ASCC2: variants seen among roughly 807,000 people sequenced by gnomAD.
The protein encoded by ASCC2 is activating signal cointegrator 1 complex subunit 2, also known as ASC-1 complex subunit P100.
Under a neutral mutation model 93.5 loss-of-function variants are expected in ASCC2, and 42 were observed. The observed-to-expected ratio is 0.45, with a 90% CI of 0.35 to 0.58. The LOEUF (loss-of-function observed/expected upper bound fraction) is 0.58, where lower values mean the gene tolerates loss of function less well. Ranked by LOEUF, ASCC2 falls within the 20% of genes least tolerant of loss-of-function variation. ASCC2 has a pLI of 0.00. For synonymous variants in ASCC2, 364 were observed against 384.2 expected (o/e 0.95, Z 0.62); for missense variants, 859 against 977.6 (o/e 0.88, Z 1.62).
intron 9 of ASCC2, among the ~76,000 whole-genome samples, chr22:29,807,347 C>T (rs2059800116): frequency 6.6e-6 from 1 of 151,768 alleles, no homozygotes. Flanking sequence ...GAGAAGGCCT[C>T]ACAATTCACT....
intron 4 of ASCC2, 24 bp from the exon 5 acceptor site, chr22:29,822,488 G>C: frequency 6.2e-7 from 1 of 1,611,880 alleles, no homozygotes; most frequent in Non-Finnish European, 8.5e-7. Flanking sequence ...CAGAGAGAAA[G>C]GATAGAGATT....
At position 29,804,644 on chromosome 22, in the gene ASCC2, T is replaced by A. The variant is rs1357121003; in HGVS notation, c.1347A>T (p.Glu449Asp). Residue 449 changes from glutamate to aspartate, a missense_variant, in exon 13 of 20, where the codon GAA becomes GAT. Physicochemically the swap from Glu to Asp is conservative, Grantham distance 45. Coordinates refer to ENST00000307790, the MANE Select transcript of ASCC2 (RefSeq NM_032204.5). The part of the protein sequence containing the change: ...QASSHPENSE[E>D]EECMGAAAAV... ...GCGCCACTCAGACACATACCTCCTC[T>A]TCCTCCGAGTTCTCCGGATGTGATG... 6.2e-7 allele frequency: 1 copy of A among 1,613,930 alleles called. No individual in the cohort carries two copies. Among genetic ancestry groups the A allele is most frequent in the Non-Finnish European group, 8.5e-7 (1 of 1,179,860 alleles).
In ASCC2 at chr22:29,838,227, C is replaced by T; in HGVS notation, c.-67G>A. 2.1e-6 allele frequency: 1 copy of T among 467,534 alleles called. No individual in the cohort carries two copies. Among genetic ancestry groups the T allele is most frequent in the African/African-American group, 2.0e-5 (1 of 50,088 alleles). 29.0% of individuals were successfully genotyped at this position (467,534 alleles called of 1,614,324 possible). A position where few individuals can be genotyped will look rare whatever the true frequency, so the allele number is the denominator to read the frequency against. The stretch of plus-strand genomic sequence containing the variant: ...GTGCCGCCGCCGCCGCCGCCGCCGC[C>T]GACCACGGTGACAGCTCCCTGAGCG... On this transcript the variant is annotated 5_prime_UTR_variant, in exon 1 of 20. Coordinates refer to ENST00000307790, the MANE Select transcript of ASCC2 (RefSeq NM_032204.5).
intron 5 of ASCC2, among the ~76,000 whole-genome samples, chr22:29,817,433 C>A (rs986802168): frequency 5.9e-5 from 9 of 152,130 alleles, no homozygotes; most frequent in African/African-American, 2.2e-4. Flanking sequence ...TACACTCCTC[C>A]CTCACACCAT....
intron 12 of ASCC2, 78 bp from the exon 13 acceptor site, chr22:29,804,908 C>T: frequency 6.8e-7 from 1 of 1,471,282 alleles, no homozygotes; most frequent in Admixed American, 1.8e-5. Flanking sequence ...TCCCCAGCAT[C>T]TGACCACATG....
intron 5 of ASCC2, among the ~76,000 whole-genome samples, chr22:29,818,606 A>C (rs1392857202): frequency 1.3e-5 from 2 of 152,130 alleles, no homozygotes; most frequent in Admixed American, 6.5e-5. Context: ...ACTCTTAAAA[A>C]CACCTCAGAA....
At chr22:29,797,730 G>A (rs1365621085) in intron 15 of ASCC2, among the ~76,000 whole-genome samples, 1 of 152,108 alleles carries the variant, frequency 6.6e-6, no homozygotes, top group African/African-American at 2.4e-5. Flanking sequence ...TCCCCAAAAG[G>A]CAGACCAAGG....
chr22:29,806,606 G>A (rs2059700353), intron 10 of ASCC2, 53 bp from the exon 11 acceptor site: 1 of 1,552,770 alleles, frequency 6.4e-7, no homozygotes, highest in African/African-American at 1.4e-5. Flanking sequence ...ATGAGCTGCA[G>A]CTCCTTTACA....
intron 2 of ASCC2, among the ~76,000 whole-genome samples, chr22:29,829,090 C>T (rs2062801357): frequency 6.6e-6 from 1 of 152,054 alleles, no homozygotes; most frequent in South Asian, 2.1e-4. Context: ...GCAGGAGAAT[C>T]ACTTGCACCT....
chr22:29,837,268 A>G (rs1490677080), intron 1 of ASCC2, among the ~76,000 whole-genome samples: 1 of 8,322 alleles, frequency 1.2e-4, no homozygotes, highest in African/African-American at 1.4e-3. Flanking sequence ...GTCTCTACCG[A>G]AAAAAAAAAA....
chr22:29,826,648 A>G (rs1408808502), intron 2 of ASCC2, among the ~76,000 whole-genome samples: 1 of 152,118 alleles, frequency 6.6e-6, no homozygotes, highest in Non-Finnish European at 1.5e-5. Flanking sequence ...TAATTATATA[A>G]TTTGACACAA....
intron 13 of ASCC2, among the ~76,000 whole-genome samples, chr22:29,803,488 C>T (rs1165821682): frequency 1.3e-5 from 2 of 151,996 alleles, no homozygotes; most frequent in African/African-American, 2.4e-5. Flanking sequence ...CCAGTGAGCA[C>T]AGTACTTGGC....
In ASCC2 at chr22:29,814,686, G is replaced by A. The variant is rs1343717361; in HGVS notation, c.691C>T (p.Arg231Ter). The change falls in exon 7 of 20, where the codon CGA (arginine) becomes TGA (stop). Residue 231 changes from arginine to a stop codon, truncating the protein, a stop_gained. Coordinates refer to ENST00000307790, the MANE Select transcript of ASCC2 (RefSeq NM_032204.5). LOFTEE classifies it high-confidence loss of function. ...TTPQKLEERG[R>*]LTPSDMPLLE... ...AGAGGCATGTCACTGGGGGTCAATC[G>A]GCCCCTCTCCTCAAGCTTCTGGGGT... The A allele has an allele frequency of 3.7e-6, 6 of 1,604,688 alleles. No individual in the cohort carries two copies. The highest frequency in any genetic ancestry group is 5.1e-6 in the Non-Finnish European group (6 of 1,176,394).
At chr22:29,819,503 G>T (rs192380156) in intron 5 of ASCC2, among the ~76,000 whole-genome samples, 243 of 152,232 alleles carry the variant, frequency 1.6e-3, no homozygotes, top group African/African-American at 5.6e-3. Context: ...CTATGGGTAG[G>T]TATATTATTA....
intron 8 of ASCC2, among the ~76,000 whole-genome samples, chr22:29,812,315 G>A (rs886151244): frequency 2.0e-5 from 3 of 152,180 alleles, no homozygotes; most frequent in African/African-American, 7.2e-5. Flanking sequence ...GCCCACAACT[G>A]CCAGGCAATA....
At chr22:29,792,751 C>T (rs1259019900) in intron 17 of ASCC2, among the ~76,000 whole-genome samples, 1 of 152,114 alleles carries the variant, frequency 6.6e-6, no homozygotes, top group Non-Finnish European at 1.5e-5. Context: ...TGAAATGGGG[C>T]CGGGAGAGTC....
chr22:29,814,511 G>A, intron 7 of ASCC2, 146 bp downstream of exon 7: 1 of 586,900 alleles, frequency 1.7e-6, no homozygotes, highest in Admixed American at 3.8e-5. Flanking sequence ...GGACATAATA[G>A]TTGCTCACTG....
chr22:29,799,115 A>C (rs546336714), intron 15 of ASCC2: 1 of 152,308 alleles, frequency 6.6e-6, no homozygotes, highest in Non-Finnish European at 1.5e-5. Flanking sequence ...AGACTTTACA[A>C]TACCATGGGC....
At chr22:29,829,544 A>C (rs1291922518) in intron 2 of ASCC2, among the ~76,000 whole-genome samples, 1 of 151,992 alleles carries the variant, frequency 6.6e-6, no homozygotes, top group Non-Finnish European at 1.5e-5. Flanking sequence ...AACATGGTGA[A>C]ACCCCGTCTC....
Sources: allele counts gnomAD v4.1 joint callset (sites outside exome capture counted in the v4.1 genomes callset), GRCh38; gene constraint gnomAD v4.1.1; transcripts MANE v1.5; gene names NCBI Gene and HGNC (gene_info 2026-07-23, HGNC 2026-07-21).